NELL2: variants seen among roughly 807,000 people sequenced by gnomAD.
The protein encoded by NELL2 is protein kinase C-binding protein NELL2.
Under a neutral mutation model 109.6 loss-of-function variants are expected in NELL2, and 41 were observed. The ratio of observed to expected loss-of-function variants is 0.37; its 90% CI spans 0.29 to 0.49. The LOEUF (loss-of-function observed/expected upper bound fraction) is 0.49, where lower values mean the gene tolerates loss of function less well. NELL2 is among the 20% of genes least tolerant of loss of function. NELL2 has a pLI of 0.98. For missense variants in NELL2, 900 were observed against 1,008.3 expected (o/e 0.89, Z 1.45); for synonymous variants, 355 against 344.7 (o/e 1.03, Z -0.33).
intron 12 of NELL2, among the ~76,000 whole-genome samples, chr12:44,699,008 A>ATTTTTCC (rs1949141545): frequency 6.6e-6 from 1 of 152,186 alleles, no homozygotes; most frequent in Non-Finnish European, 1.5e-5. Context: ...TAACTCTAAA[A>ATTTTTCC]TAATACTGAA....
intron 13 of NELL2, among the ~76,000 whole-genome samples, chr12:44,662,706 A>G (rs571196860): frequency 6.6e-6 from 1 of 152,340 alleles, no homozygotes; most frequent in Admixed American, 6.5e-5. Flanking sequence ...TTATTGATCA[A>G]AGCTCTTGAT....
upstream of NELL2, chr12:44,876,844 G>A (rs993825888): frequency 1.4e-5 from 19 of 1,311,832 alleles, no homozygotes; most frequent in Non-Finnish European, 1.8e-5. Flanking sequence ...GGGCAAAGTA[G>A]GTAGAGACTG....
chr12:44,789,687 G>C (rs764559513), intron 3 of NELL2, among the ~76,000 whole-genome samples: 5 of 152,128 alleles, frequency 3.3e-5, no homozygotes, highest in African/African-American at 4.8e-5. Flanking sequence ...GGAGACACCA[G>C]AGAAAGACAA....
At chr12:44,693,230 C>T (rs2136399432) in intron 12 of NELL2, among the ~76,000 whole-genome samples, 1 of 152,282 alleles carries the variant, frequency 6.6e-6, no homozygotes, top group African/African-American at 2.4e-5. Context: ...TATTATGACT[C>T]TCTGAAGGCT....
chr12:44,920,426 A>T (rs891780557), intron 1 of NELL2, among the ~76,000 whole-genome samples: 5 of 152,172 alleles, frequency 3.3e-5, no homozygotes, highest in African/African-American at 1.2e-4. Context: ...ATGTGGAAGA[A>T]GATGTTTTGT....
In NELL2 at chr12:44,717,978, C is replaced by T. The variant is rs117515846; in HGVS notation, c.995-3237G>A. On this transcript the variant is annotated intron_variant, in intron 9 of 19. Coordinates refer to ENST00000429094, the MANE Select transcript of NELL2 (RefSeq NM_001145108.2). ...CAATAACAAGAACAAATGTCTATTA[C>T]GTTAATTCACTATAAGCCATTAAGA... Among the ~76,000 whole-genome samples the T allele has an allele frequency of 7.9e-5, 12 of 152,218 alleles. No homozygotes were observed. The East Asian group carries it at 1.7e-3, about 22-fold the overall frequency.
intron 9 of NELL2, among the ~76,000 whole-genome samples, chr12:44,723,345 A>G (rs1238279475): frequency 2.0e-5 from 3 of 152,234 alleles, no homozygotes; most frequent in Non-Finnish European, 4.4e-5. Context: ...GAAGAGAAAA[A>G]TAAAATTAAC....
At chr12:44,756,996 C>G (rs1323169370) in intron 9 of NELL2, among the ~76,000 whole-genome samples, 1 of 152,160 alleles carries the variant, frequency 6.6e-6, no homozygotes, top group Admixed American at 6.6e-5. Flanking sequence ...ATGGGCATCT[C>G]AAACTCCTTA....
intron 3 of NELL2, among the ~76,000 whole-genome samples, chr12:44,789,251 T>C (rs1269947482): frequency 6.6e-6 from 1 of 152,128 alleles, no homozygotes; most frequent in Non-Finnish European, 1.5e-5. Context: ...CCAGAATAAG[T>C]GCTGGTATCC....
At chr12:44,598,240 GT>G (rs11356738) in intron 15 of NELL2, among the ~76,000 whole-genome samples, 43,930 of 147,090 alleles carry the variant, frequency 0.3, 6,684 homozygotes, top group East Asian at 0.47. Context: ...CTGCTGTAAG[GT>G]TTTTTTTTTG....
intron 1 of NELL2, among the ~76,000 whole-genome samples, chr12:44,882,517 C>A (rs139180242): frequency 6.6e-6 from 1 of 151,362 alleles, no homozygotes; most frequent in Non-Finnish European, 1.5e-5. Context: ...CACACACACG[C>A]ACACATACAT....
chr12:44,528,064 C>T (rs1322441421), intron 16 of NELL2, among the ~76,000 whole-genome samples: 1 of 130,354 alleles, frequency 7.7e-6, no homozygotes, highest in Non-Finnish European at 1.6e-5. Flanking sequence ...CCTCACTGCA[C>T]TCCAGCCTGG....
chr12:44,775,974 G>A (rs770355996), intron 8 of NELL2, 48 bp downstream of exon 8: 71 of 1,591,156 alleles, frequency 4.5e-5, no homozygotes, highest in Non-Finnish European at 5.7e-5. Context: ...TTTTTAAAGA[G>A]TGGGAGCATC....
chr12:44,775,709 T>C (rs2136587432), intron 8 of NELL2, among the ~76,000 whole-genome samples: 1 of 152,210 alleles, frequency 6.6e-6, no homozygotes, highest in South Asian at 2.1e-4. Context: ...GGGAGAAAAA[T>C]CTCTGGAAAT....
rs531102749 is a variant in NELL2, at chr12:44,682,736, C to G, written c.1319-17127G>C. Among the ~76,000 whole-genome samples the G allele has an allele frequency of 2.0e-4, 30 of 152,006 alleles. 1 individual carries two copies. In the East Asian group the frequency reaches 5.6e-3, roughly 28 times the overall value. ...CAAAGATCAGATAGTTGCAGATATGCGGTGTTATTTCTGAGGGCTCTGTTC... is the reference window on the plus strand; with the variant it reads ...CAAAGATCAGATAGTTGCAGATATGGGGTGTTATTTCTGAGGGCTCTGTTC... On this transcript the variant is annotated intron_variant, in intron 12 of 19. Coordinates refer to ENST00000429094, the MANE Select transcript of NELL2 (RefSeq NM_001145108.2).
chr12:44,594,293 A>T (rs921417588), intron 15 of NELL2, among the ~76,000 whole-genome samples: 5 of 151,820 alleles, frequency 3.3e-5, no homozygotes, highest in African/African-American at 1.2e-4. Context: ...GTATAATTTT[A>T]AAAATATATT....
At chr12:44,574,579 T>C (rs1943998200) in intron 15 of NELL2, among the ~76,000 whole-genome samples, 1 of 152,180 alleles carries the variant, frequency 6.6e-6, no homozygotes, top group Non-Finnish European at 1.5e-5. Flanking sequence ...GTATGCCACA[T>C]TAAATGGAGT....
At chr12:44,795,971 T>A (rs1030346423) in intron 3 of NELL2, among the ~76,000 whole-genome samples, 50 of 152,226 alleles carry the variant, frequency 3.3e-4, no homozygotes, top group African/African-American at 9.9e-4. Context: ...GAAGACAGTA[T>A]AATGCAGCAA....
At chr12:44,873,877 C>A (rs1945237343) in intron 2 of NELL2, among the ~76,000 whole-genome samples, 1 of 149,986 alleles carries the variant, frequency 6.7e-6, no homozygotes, top group African/African-American at 2.5e-5. Context: ...CCAAGCCCCA[C>A]CCTCTTATAA....
Sources: allele counts gnomAD v4.1 joint callset (sites outside exome capture counted in the v4.1 genomes callset), GRCh38; gene constraint gnomAD v4.1.1; transcripts MANE v1.5; gene names NCBI Gene and HGNC (gene_info 2026-07-23, HGNC 2026-07-21).